CASR: variants seen among roughly 807,000 people sequenced by gnomAD.
The protein encoded by CASR is calcium sensing receptor.
A neutral mutation model predicts 69.1 loss-of-function variants in CASR; 23 were observed. The ratio of observed to expected loss-of-function variants is 0.33; its 90% CI spans 0.24 to 0.47. The LOEUF (loss-of-function observed/expected upper bound fraction) is 0.47, where lower values mean the gene tolerates loss of function less well. Among genes scored for constraint, CASR ranks in the 20% least tolerant of loss-of-function variants. CASR has a pLI of 1.00. For missense variants in CASR, 924 were observed against 1,356.1 expected, an observed-to-expected ratio of 0.68 and a Z score of 5.00; for synonymous variants, 541 against 544.7, an observed-to-expected ratio of 0.99 and a Z score of 0.10.
At chr3:122,251,461 C>T (rs2074482524) in intron 1 of CASR, among the ~76,000 whole-genome samples, 1 of 152,198 alleles carries the variant, frequency 6.6e-6, no homozygotes, top group Non-Finnish European at 1.5e-5. Flanking sequence ...CACGTTGACT[C>T]AAAGCCGTGT....
At chr3:122,252,978 A>G (rs1285727102) in intron 1 of CASR, among the ~76,000 whole-genome samples, 1 of 152,048 alleles carries the variant, frequency 6.6e-6, no homozygotes. Context: ...CAGAGTTCCT[A>G]CTCTACTAAT....
intron 5 of CASR, among the ~76,000 whole-genome samples, chr3:122,280,189 T>C (rs950923582): frequency 2.6e-5 from 4 of 152,152 alleles, no homozygotes; most frequent in African/African-American, 7.2e-5. Flanking sequence ...CTAAATAAAC[T>C]AGGTGTTGAA....
chr3:122,202,090 C>T (rs62271399), intron 1 of CASR, among the ~76,000 whole-genome samples: 51,448 of 151,638 alleles, frequency 0.34, 9,310 homozygotes, highest in Non-Finnish European at 0.4. Flanking sequence ...GAGGTTGTAG[C>T]GAGCCGAGAT....
chr3:122,198,555 G>T (rs1245388754), intron 1 of CASR, among the ~76,000 whole-genome samples: 1 of 151,952 alleles, frequency 6.6e-6, no homozygotes, highest in African/African-American at 2.4e-5. Flanking sequence ...AGGTCTCTTG[G>T]TGATGGGCTT....
At chr3:122,247,829 G>A in intron 1 of CASR, 1 of 152,616 alleles carries the variant, frequency 6.6e-6, no homozygotes, top group Non-Finnish European at 1.5e-5. Flanking sequence ...TCCCCACTTT[G>A]CTCTGTGCCC....
chr3:122,220,967 C>T (rs2074164165), intron 1 of CASR, among the ~76,000 whole-genome samples: 1 of 151,792 alleles, frequency 6.6e-6, no homozygotes, highest in African/African-American at 2.4e-5. Context: ...GAGAAAACCC[C>T]ATCTCAAAGA....
chr3:122,217,354 G>A (rs2074127364), intron 1 of CASR, among the ~76,000 whole-genome samples: 1 of 152,152 alleles, frequency 6.6e-6, no homozygotes, highest in African/African-American at 2.4e-5. Context: ...GCCTGCCTCG[G>A]CCTCCCACGG....
At chr3:122,227,853 C>G (rs1026957266) in intron 1 of CASR, among the ~76,000 whole-genome samples, 1 of 152,204 alleles carries the variant, frequency 6.6e-6, no homozygotes, top group Non-Finnish European at 1.5e-5. Flanking sequence ...TGTAACAAAC[C>G]TGTATGTGTA....
At chr3:122,268,759 C>A (rs899651068) in intron 4 of CASR, among the ~76,000 whole-genome samples, 4 of 152,146 alleles carry the variant, frequency 2.6e-5, no homozygotes, top group Non-Finnish European at 1.5e-5. Flanking sequence ...ACAAAAATAA[C>A]TCCTGAGAGG....
rs554283316 is a variant in CASR, at chr3:122,281,632, A to AT, written c.1609-473dup. 1.9e-3 allele frequency among the ~76,000 whole-genome samples: 283 copies of AT among 151,818 alleles called. 2 individuals carry two copies. The highest frequency in any genetic ancestry group is 5.3e-3 in the African/African-American group (220 of 41,384). ...TTATTTATCTGTTGGTGATCATATG[A>AT]TTTTTTTTCTCCATTAATTTGCTAA... On this transcript the variant is annotated intron_variant, in intron 5 of 6. Coordinates refer to ENST00000639785, the MANE Select transcript of CASR (RefSeq NM_000388.4).
intron 1 of CASR, among the ~76,000 whole-genome samples, chr3:122,192,065 G>A (rs1301906903): frequency 2.6e-5 from 4 of 152,172 alleles, no homozygotes; most frequent in Non-Finnish European, 5.9e-5. Flanking sequence ...AAAGACTTAT[G>A]CCCAATGATG....
intron 1 of CASR, among the ~76,000 whole-genome samples, chr3:122,234,657 A>G (rs946708348): frequency 6.6e-6 from 1 of 152,238 alleles, no homozygotes; most frequent in Non-Finnish European, 1.5e-5. Flanking sequence ...AGGCCTCTGT[A>G]TAGCAGGCTG....
rs34636164 is a variant in CASR, at chr3:122,253,659, A to G, written c.-242-289A>G. ...ATTTATGCCTCATTCACACAGGAAA[A>G]TGAATGGATTAAAATCCAGCATCAG... On this transcript the variant is annotated intron_variant, in intron 1 of 6. Coordinates refer to ENST00000639785, the MANE Select transcript of CASR (RefSeq NM_000388.4). Among the ~76,000 whole-genome samples, 811 of 152,366 alleles carry G rather than the reference A, an allele frequency of 5.3e-3. 8 individuals are homozygous for G. The highest frequency in any genetic ancestry group is 0.019 in the African/African-American group (773 of 41,582).
chr3:122,191,947 T>A (rs1185997690), intron 1 of CASR, among the ~76,000 whole-genome samples: 1 of 152,226 alleles, frequency 6.6e-6, no homozygotes, highest in Non-Finnish European at 1.5e-5. Flanking sequence ...ATGGAAACTG[T>A]CATAACAAAT....
intron 1 of CASR, among the ~76,000 whole-genome samples, chr3:122,202,843 GA>G (rs1260881732): frequency 6.6e-6 from 1 of 152,036 alleles, no homozygotes; most frequent in African/African-American, 2.4e-5. Flanking sequence ...TGTATGATTT[GA>G]GTACAGATTC....
chr3:122,283,653 A>G (rs2074920043), intron 6 of CASR, 34 bp from the exon 7 acceptor site: 1 of 1,586,734 alleles, frequency 6.3e-7, no homozygotes, highest in Non-Finnish European at 8.7e-7. Flanking sequence ...TCTGTGCCAC[A>G]CAATAACTCA....
chr3:122,216,391 T>TA (rs1268695048), intron 1 of CASR, among the ~76,000 whole-genome samples: 1 of 152,230 alleles, frequency 6.6e-6, no homozygotes, highest in Admixed American at 6.5e-5. Flanking sequence ...CCATTGTTTT[T>TA]AGCTTCCTGC....
At position 122,200,994 on chromosome 3, in the gene CASR, C is replaced by CTTTT. The variant is rs67815991; in HGVS notation, c.-243+17189_-243+17192dup. On this transcript the variant is annotated intron_variant, in intron 1 of 6. Coordinates refer to ENST00000639785, the MANE Select transcript of CASR (RefSeq NM_000388.4). ...TGAATATCTTTTGCCCATTGCTTTTCTTTTTTTTTTATTTTTTTTTTTTTT... is the reference window on the plus strand; with the variant it reads ...TGAATATCTTTTGCCCATTGCTTTTCTTTTTTTTTTTTTTATTTTTTTTTTTTTT... Among the ~76,000 whole-genome samples the CTTTT allele has an allele frequency of 4.8e-3, 388 of 81,468 alleles. 7 individuals are homozygous for CTTTT. Among genetic ancestry groups the CTTTT allele is most frequent in the African/African-American group, 8.0e-3 (158 of 19,726 alleles). 53.4% of individuals were successfully genotyped at this position (81,468 alleles called of 152,430 possible).
intron 4 of CASR, among the ~76,000 whole-genome samples, chr3:122,272,134 A>C (rs1443859591): frequency 7.1e-6 from 1 of 140,490 alleles, no homozygotes; most frequent in Non-Finnish European, 1.6e-5. Context: ...CACGAGTAGG[A>C]TTGTTGGGTC....
Sources: allele counts gnomAD v4.1 joint callset (sites outside exome capture counted in the v4.1 genomes callset), GRCh38; gene constraint gnomAD v4.1.1; transcripts MANE v1.5; gene names NCBI Gene and HGNC (gene_info 2026-07-23, HGNC 2026-07-21).